Variants in ARHGAP10 observed in about 807,000 individuals in gnomAD.
ARHGAP10 encodes the protein rho GTPase-activating protein 10.
A neutral mutation model predicts 108.6 loss-of-function variants in ARHGAP10; 87 were observed. The observed-to-expected ratio is 0.80, with a 90% CI of 0.67 to 0.96. The LOEUF is 0.96. Ranked by LOEUF, ARHGAP10 falls within the 40% of genes least tolerant of loss-of-function variation. ARHGAP10 has a pLI of 0.00. For synonymous variants in ARHGAP10, 347 were observed against 341.1 expected, an observed-to-expected ratio of 1.02 and a Z score of -0.19; for missense variants, 939 against 954.5, an observed-to-expected ratio of 0.98 and a Z score of 0.21.
chr4:147,801,187 A>G (rs1284973582), intron 1 of ARHGAP10, among the ~76,000 whole-genome samples: 2 of 152,246 alleles, frequency 1.3e-5, no homozygotes, highest in South Asian at 4.1e-4. Context: ...TACGTTCAGT[A>G]AAACATATCT....
intron 1 of ARHGAP10, among the ~76,000 whole-genome samples, chr4:147,821,890 A>G (rs971392902): frequency 6.6e-6 from 1 of 152,230 alleles, no homozygotes; most frequent in African/African-American, 2.4e-5. Context: ...GGTTCTGAAG[A>G]AGAAGCAAGC....
chr4:148,007,682 G>A lies in ARHGAP10; in HGVS notation c.1717-15581G>A, dbSNP rs572425031. On this transcript the variant is annotated intron_variant, in intron 18 of 22. Coordinates refer to ENST00000336498, the MANE Select transcript of ARHGAP10 (RefSeq NM_024605.4). ...AAGCATTGTGTAACTTCAGCAATTC[G>A]GAAGGCTTTTCCCCTCCTTACATTC... is the stretch of plus-strand genomic sequence containing the variant. 4.6e-5 allele frequency among the ~76,000 whole-genome samples: 7 copies of A among 152,260 alleles called. No individual in the cohort carries two copies. The South Asian group carries it at 8.3e-4, about 18-fold the overall frequency.
chr4:147,872,645 T>G (rs1734879788), intron 7 of ARHGAP10, among the ~76,000 whole-genome samples: 1 of 152,198 alleles, frequency 6.6e-6, no homozygotes, highest in South Asian at 2.1e-4. Flanking sequence ...TACCACACAT[T>G]TTGTGTGTTC....
At chr4:148,017,335 A>G (rs1741385439) in intron 18 of ARHGAP10, among the ~76,000 whole-genome samples, 1 of 152,168 alleles carries the variant, frequency 6.6e-6, no homozygotes, top group Non-Finnish European at 1.5e-5. Flanking sequence ...CCAAAATAAA[A>G]TCTCTGATTA....
intron 1 of ARHGAP10, among the ~76,000 whole-genome samples, chr4:147,775,516 T>G (rs12645249): frequency 6.6e-6 from 1 of 152,070 alleles, no homozygotes; most frequent in South Asian, 2.1e-4. Context: ...CTCTCACATA[T>G]GCAGAATAAG....
intron 1 of ARHGAP10, among the ~76,000 whole-genome samples, chr4:147,803,604 C>T (rs557085417): frequency 1.3e-5 from 2 of 152,178 alleles, no homozygotes; most frequent in Non-Finnish European, 2.9e-5. Flanking sequence ...GCTTCCCTAC[C>T]TCTGGTAACC....
chr4:147,780,329 T>C (rs970760500), intron 1 of ARHGAP10, among the ~76,000 whole-genome samples: 3 of 152,100 alleles, frequency 2.0e-5, no homozygotes, highest in Non-Finnish European at 2.9e-5. Context: ...ACCTCTCCTC[T>C]CCTACCCAGT....
intron 22 of ARHGAP10, 76 bp downstream of exon 22, chr4:148,064,583 A>G (rs1219399421): frequency 1.1e-5 from 15 of 1,330,982 alleles, no homozygotes; most frequent in Non-Finnish European, 1.3e-5. Context: ...GTGAGCAGTC[A>G]GCGATGGTGC....
intron 1 of ARHGAP10, among the ~76,000 whole-genome samples, chr4:147,811,577 C>T (rs1260362520): frequency 8.9e-6 from 1 of 111,870 alleles, no homozygotes; most frequent in Non-Finnish European, 2.1e-5. Flanking sequence ...GACAAATATG[C>T]AATGGCTTTT....
chr4:147,941,643 A>G (rs1275795618), intron 14 of ARHGAP10, among the ~76,000 whole-genome samples: 1 of 152,100 alleles, frequency 6.6e-6, no homozygotes, highest in Non-Finnish European at 1.5e-5. Flanking sequence ...CTGACTTGTT[A>G]CCTCCTCATT....
intron 18 of ARHGAP10, among the ~76,000 whole-genome samples, chr4:147,988,384 T>C (rs767505769): frequency 6.6e-6 from 1 of 152,220 alleles, no homozygotes; most frequent in Non-Finnish European, 1.5e-5. Flanking sequence ...TAGTCTCTAT[T>C]CTGTGCCTTG....
intron 1 of ARHGAP10, among the ~76,000 whole-genome samples, chr4:147,765,940 A>G (rs1372956850): frequency 6.6e-6 from 1 of 152,200 alleles, no homozygotes. Flanking sequence ...GATTAGTTCC[A>G]GGAACCCCTT....
At chr4:147,821,053 G>GGGCTGGCT (rs1327471371) in intron 1 of ARHGAP10, among the ~76,000 whole-genome samples, 61 of 152,240 alleles carry the variant, frequency 4.0e-4, no homozygotes, top group African/African-American at 1.4e-3. Context: ...TGCATGTACA[G>GGGCTGGCT]GGCTGGCTGG....
At chr4:147,999,808 C>G (rs952392018) in intron 18 of ARHGAP10, among the ~76,000 whole-genome samples, 1 of 152,178 alleles carries the variant, frequency 6.6e-6, no homozygotes, top group East Asian at 1.9e-4. Context: ...GCAAGGACCC[C>G]TGCCCTGCCC....
chr4:147,842,484 G>A (rs1248847330), intron 3 of ARHGAP10, among the ~76,000 whole-genome samples: 2 of 152,092 alleles, frequency 1.3e-5, no homozygotes, highest in African/African-American at 4.8e-5. Flanking sequence ...AGCATTTCCT[G>A]GGTCCCATTC....
chr4:147,833,759 A>T (rs1021660671), intron 3 of ARHGAP10, among the ~76,000 whole-genome samples: 1 of 152,208 alleles, frequency 6.6e-6, no homozygotes, highest in Non-Finnish European at 1.5e-5. Flanking sequence ...GGTAGGATAT[A>T]AAATAATGGA....
chr4:147,909,694 T>G lies in ARHGAP10; in HGVS notation c.1117-38T>G, dbSNP rs1188780683. 11 of 1,566,050 alleles carry G rather than the reference T, an allele frequency of 7.0e-6. No individual in the cohort carries two copies. In the African/African-American group the frequency reaches 9.5e-5, roughly 14 times the overall value. The stretch of plus-strand genomic sequence containing the variant: ...CCTACTTGAATAATTTTTGCTGATT[T>G]GATTAAAAAATTCTGTTTTTCCATT... On this transcript the variant is annotated intron_variant, in intron 11 of 22. Transcript: ENST00000336498.
rs1262378564 is a variant in ARHGAP10 at position 147,913,214 on chromosome 4, TG to T, written c.1228+76del. The stretch of plus-strand genomic sequence containing the variant: ...TCTAAAAGTCATTAAAAATACTTCT[TG>T]CTTTTAAGTGTTACAGAATGAAACG... On this transcript the variant is annotated intron_variant, in intron 13 of 22. Coordinates refer to ENST00000336498, the MANE Select transcript of ARHGAP10 (RefSeq NM_024605.4). 36 of 1,315,966 alleles carry T rather than the reference TG, an allele frequency of 2.7e-5. No individual in the cohort carries two copies. The Middle Eastern group carries it at 7.5e-4, about 27-fold the overall frequency. 81.5% of individuals were successfully genotyped at this position (1,315,966 alleles called of 1,614,324 possible). A position where few individuals can be genotyped will look rare whatever the true frequency, so the allele number is the denominator to read the frequency against.
intron 21 of ARHGAP10, among the ~76,000 whole-genome samples, chr4:148,064,061 C>T (rs933559088): frequency 6.6e-6 from 1 of 152,170 alleles, no homozygotes; most frequent in Admixed American, 6.5e-5. Context: ...GGTGCGTGTG[C>T]TTTTCCTAAT....
Sources: allele counts gnomAD v4.1 joint callset (sites outside exome capture counted in the v4.1 genomes callset), GRCh38; gene constraint gnomAD v4.1.1; transcripts MANE v1.5; gene names NCBI Gene and HGNC (gene_info 2026-07-23, HGNC 2026-07-21).